GLIS3: variants seen among roughly 807,000 people sequenced by gnomAD.
GLIS3 encodes the protein zinc finger protein GLIS3.
Under a neutral mutation model 78.6 loss-of-function variants are expected in GLIS3, and 53 were observed. The observed-to-expected ratio is 0.67, with a 90% CI of 0.54 to 0.85. GLIS3 has a LOEUF of 0.85. Among genes scored for constraint, GLIS3 ranks in the 40% least tolerant of loss-of-function variants. The pLI, the probability that GLIS3 is intolerant of heterozygous loss-of-function variation, is 0.00. For missense variants in GLIS3, 1,703 were observed against 1,231.1 expected (o/e 1.38, Z -5.74); for synonymous variants, 684 against 509.9 (o/e 1.34, Z -4.60).
At chr9:4,361,732 C>T in the GLIS3 span, among the ~76,000 whole-genome samples, 1 of 152,322 alleles carries the variant, frequency 6.6e-6, no homozygotes, top group East Asian at 1.9e-4. Context: ...CATTAAAAGT[C>T]AGTGAAGGCT....
the GLIS3 span, among the ~76,000 whole-genome samples, chr9:4,465,038 C>A: frequency 3.3e-5 from 5 of 152,344 alleles, no homozygotes; most frequent in Non-Finnish European, 5.9e-5. Flanking sequence ...TTCAGTGACA[C>A]ATTTCTTCAG....
chr9:4,028,691 A>C (rs1437731193), intron 4 of GLIS3, among the ~76,000 whole-genome samples: 1 of 151,396 alleles, frequency 6.6e-6, no homozygotes, highest in Non-Finnish European at 1.5e-5. Context: ...ACTATAGATC[A>C]CTTTTTCCTG....
intron 2 of GLIS3, among the ~76,000 whole-genome samples, chr9:4,235,707 C>A (rs1340152698): frequency 6.6e-6 from 1 of 151,026 alleles, no homozygotes; most frequent in Non-Finnish European, 1.5e-5. Context: ...TGAAGTATTC[C>A]CCAAGCTAGA....
chr9:3,981,507 T>G (rs1330245702), intron 4 of GLIS3, among the ~76,000 whole-genome samples: 1 of 152,114 alleles, frequency 6.6e-6, no homozygotes, highest in Non-Finnish European at 1.5e-5. Context: ...CCTGACCCCA[T>G]GAGTCCGGGT....
chr9:4,446,676 AT>A, the GLIS3 span, among the ~76,000 whole-genome samples: 50,612 of 139,540 alleles, frequency 0.36, 9,884 homozygotes, highest in Non-Finnish European at 0.46. Context: ...TGCCCGGCTA[AT>A]TTTTTTTTTT....
chr9:4,112,941 G>A (rs144397607), intron 4 of GLIS3, among the ~76,000 whole-genome samples: 3 of 151,852 alleles, frequency 2.0e-5, no homozygotes, highest in Non-Finnish European at 2.9e-5. Context: ...TTCCTTTTGA[G>A]ATGTAACCAC....
intron 4 of GLIS3, among the ~76,000 whole-genome samples, chr9:3,956,453 G>T (rs1281037030): frequency 6.6e-6 from 1 of 152,190 alleles, no homozygotes; most frequent in Non-Finnish European, 1.5e-5. Context: ...GTCTAATTCT[G>T]TGGAGACCCA....
chr9:3,851,803 ATTTAT>A (rs1819451601), intron 9 of GLIS3, among the ~76,000 whole-genome samples: 1 of 152,224 alleles, frequency 6.6e-6, no homozygotes, highest in Non-Finnish European at 1.5e-5. Flanking sequence ...ATAAATGTAT[ATTTAT>A]TTTAGTGTGC....
chr9:4,163,154 C>A (rs1037432254), intron 2 of GLIS3, among the ~76,000 whole-genome samples: 1 of 152,202 alleles, frequency 6.6e-6, no homozygotes, highest in Non-Finnish European at 1.5e-5. Flanking sequence ...TAAAGTCATA[C>A]AGGAGAGTTA....
intron 2 of GLIS3, among the ~76,000 whole-genome samples, chr9:4,284,834 C>G (rs527558050): frequency 3.0e-4 from 46 of 152,222 alleles, no homozygotes; most frequent in Non-Finnish European, 5.6e-4. Context: ...AGGAGGATCA[C>G]TTGAACCCAG....
chr9:4,270,952 G>A (rs573423257), intron 2 of GLIS3, among the ~76,000 whole-genome samples: 24 of 149,916 alleles, frequency 1.6e-4, no homozygotes, highest in South Asian at 4.3e-4. Context: ...ACTGACCCTT[G>A]AACAACACAG....
rs532915437 is a variant in GLIS3 at position 3,937,093 on chromosome 9, C to G, written c.1807G>C (p.Gly603Arg). 2.0e-5 allele frequency: 32 copies of G among 1,613,798 alleles called. No individual in the cohort carries two copies. The Admixed American group carries it at 5.3e-4, about 27-fold the overall frequency. Residue 603 changes from glycine (G) to arginine (R), a missense_variant, in exon 5 of 11, where the codon GGT becomes CGT. Physicochemically the swap from Gly to Arg is moderately radical, Grantham distance 125 (BLOSUM62 -2). Coordinates refer to ENST00000381971, the MANE Select transcript of GLIS3 (RefSeq NM_001042413.2). ...GAGTTACTGAAGGCCTTCTGACAACCCGGATGCTGGCACAAATACGGCTTC... is the reference window on the plus strand; with the variant it reads ...GAGTTACTGAAGGCCTTCTGACAACGCGGATGCTGGCACAAATACGGCTTC... Reference protein sequence around the residue: ...GEKPYLCQHPGCQKAFSNSSD... With the variant: ...GEKPYLCQHPRCQKAFSNSSD...
chr9:3,897,679 C>G (rs1341333431), intron 7 of GLIS3, among the ~76,000 whole-genome samples: 1 of 152,328 alleles, frequency 6.6e-6, no homozygotes, highest in South Asian at 2.1e-4. Flanking sequence ...GACTGATGCT[C>G]TTGCAATACT....
At chr9:4,056,154 T>C (rs1826140925) in intron 4 of GLIS3, among the ~76,000 whole-genome samples, 1 of 152,214 alleles carries the variant, frequency 6.6e-6, no homozygotes, top group Non-Finnish European at 1.5e-5. Flanking sequence ...CGTATAAGAA[T>C]GGCACCAAAT....
At position 4,185,297 on chromosome 9, in the gene GLIS3, T is replaced by G. The variant is rs145576614; in HGVS notation, c.389-59356A>C. Among the ~76,000 whole-genome samples the G allele has an allele frequency of 1.4e-3, 212 of 152,374 alleles. 2 individuals are homozygous for G. The highest frequency in any genetic ancestry group is 4.6e-3 in the African/African-American group (190 of 41,590). On this transcript the variant is annotated intron_variant, in intron 2 of 10. Transcript: ENST00000381971. ...AAGATGTTTTAAAATTCATTATTTTTTATTGCTGAATAGTATTCCATTATA... is the reference window on the plus strand; with the variant it reads ...AAGATGTTTTAAAATTCATTATTTTGTATTGCTGAATAGTATTCCATTATA...
intron 8 of GLIS3, among the ~76,000 whole-genome samples, chr9:3,876,087 C>G (rs1821289865): frequency 6.6e-6 from 1 of 152,142 alleles, no homozygotes; most frequent in African/African-American, 2.4e-5. Flanking sequence ...AAGGTGCAAT[C>G]TAAATCTCAA....
At chr9:4,244,362 C>T (rs191352298) in intron 2 of GLIS3, among the ~76,000 whole-genome samples, 1 of 152,270 alleles carries the variant, frequency 6.6e-6, no homozygotes, top group East Asian at 1.9e-4. Flanking sequence ...TGTGTTTGTT[C>T]CCAAACCTGT....
chr9:4,070,022 C>T (rs1389151416), intron 4 of GLIS3, among the ~76,000 whole-genome samples: 5 of 151,980 alleles, frequency 3.3e-5, no homozygotes, highest in Admixed American at 6.6e-5. Context: ...CAGGGGCAGC[C>T]ATTTCAGCCA....
intron 2 of GLIS3, among the ~76,000 whole-genome samples, chr9:4,221,497 T>G (rs1821325137): frequency 6.6e-6 from 1 of 152,208 alleles, no homozygotes. Context: ...CCATTCTCCT[T>G]AGATGAATGG....
Sources: allele counts gnomAD v4.1 joint callset (sites outside exome capture counted in the v4.1 genomes callset), GRCh38; gene constraint gnomAD v4.1.1; transcripts MANE v1.5; gene names NCBI Gene and HGNC (gene_info 2026-07-23, HGNC 2026-07-21).